The following CSMD1 variants were observed in gnomAD, a reference collection of about 807,000 sequenced individuals.
The protein encoded by CSMD1 is CUB and Sushi multiple domains 1, also known as CUB and sushi domain-containing protein 1.
A neutral mutation model predicts 417.5 loss-of-function variants in CSMD1; 213 were observed. The observed-to-expected ratio is 0.51, with a 90% CI of 0.46 to 0.57. The LOEUF is 0.57. CSMD1 is among the 20% of genes least tolerant of loss of function. The pLI is 0.00. For missense variants in CSMD1, 6,923 were observed against 4,529.7 expected (o/e 1.53, Z -15.17); for synonymous variants, 2,862 against 1,736.8 (o/e 1.65, Z -16.11).
intron 5 of CSMD1, among the ~76,000 whole-genome samples, chr8:3,817,880 G>C (rs996604064): frequency 3.9e-5 from 6 of 152,076 alleles, no homozygotes; most frequent in African/African-American, 1.2e-4. Context: ...TCACACTAAG[G>C]ACATTCTTGC....
At chr8:3,612,011 C>T (rs188820777) in intron 8 of CSMD1, among the ~76,000 whole-genome samples, 2 of 152,168 alleles carry the variant, frequency 1.3e-5, no homozygotes, top group Non-Finnish European at 2.9e-5. Flanking sequence ...TTTTAAAATA[C>T]TAATTTCCTT....
At chr8:4,531,313 G>A (rs926137742) in intron 2 of CSMD1, among the ~76,000 whole-genome samples, 7 of 152,162 alleles carry the variant, frequency 4.6e-5, no homozygotes, top group South Asian at 2.1e-4. Flanking sequence ...GCCGTGGAAT[G>A]TATTCAGGTC....
intron 2 of CSMD1, among the ~76,000 whole-genome samples, chr8:4,480,493 G>T (rs975749713): frequency 2.6e-5 from 4 of 152,182 alleles, no homozygotes; most frequent in Non-Finnish European, 5.9e-5. Flanking sequence ...AGTTGTATTA[G>T]ACAACCAGAT....
At chr8:3,467,544 TG>T (rs1301046400) in intron 12 of CSMD1, among the ~76,000 whole-genome samples, 7 of 152,362 alleles carry the variant, frequency 4.6e-5, no homozygotes, top group Non-Finnish European at 7.3e-5. Context: ...ATACATTTTT[TG>T]TCGTAGTATT....
At chr8:3,248,311 T>C (rs977521056) in intron 26 of CSMD1, among the ~76,000 whole-genome samples, 9 of 58,670 alleles carry the variant, frequency 1.5e-4, no homozygotes, top group Admixed American at 1.5e-3. Context: ...TTGCACCTGT[T>C]GTCTCAGATA....
intron 7 of CSMD1, among the ~76,000 whole-genome samples, chr8:3,628,823 C>T (rs953216894): frequency 5.3e-5 from 8 of 152,106 alleles, no homozygotes; most frequent in East Asian, 1.9e-4. Context: ...CAAGAACTCT[C>T]ATCTCTCTCT....
At chr8:3,575,705 G>A (rs1482820580) in intron 9 of CSMD1, among the ~76,000 whole-genome samples, 1 of 126,298 alleles carries the variant, frequency 7.9e-6, no homozygotes, top group Non-Finnish European at 1.7e-5. Flanking sequence ...AAGAAAATAG[G>A]AATGGTGACT....
intron 26 of CSMD1, among the ~76,000 whole-genome samples, chr8:3,236,826 T>C (rs1458158896): frequency 3.3e-5 from 5 of 152,200 alleles, no homozygotes; most frequent in Admixed American, 3.3e-4. Flanking sequence ...GTTGCATCCA[T>C]CTTATCCCTC....
chr8:3,109,056 G>A (rs942695994), intron 43 of CSMD1, among the ~76,000 whole-genome samples: 3 of 152,146 alleles, frequency 2.0e-5, no homozygotes, highest in African/African-American at 7.2e-5. Flanking sequence ...CCTGAGGTCA[G>A]GAGTTTGAGA....
chr8:3,374,354 T>G (rs1419702042), intron 18 of CSMD1, among the ~76,000 whole-genome samples: 3 of 152,168 alleles, frequency 2.0e-5, no homozygotes, highest in Non-Finnish European at 4.4e-5. Context: ...AGAAACATAC[T>G]AATGTTTTCC....
intron 1 of CSMD1, among the ~76,000 whole-genome samples, chr8:4,855,151 C>T (rs1270734433): frequency 6.6e-6 from 1 of 151,162 alleles, no homozygotes; most frequent in Non-Finnish European, 1.5e-5. Context: ...CCAGCAGGGG[C>T]ACACTGACAC....
chr8:3,962,012 T>G (rs748082719), intron 5 of CSMD1, among the ~76,000 whole-genome samples: 5 of 152,170 alleles, frequency 3.3e-5, no homozygotes, highest in Non-Finnish European at 7.4e-5. Flanking sequence ...CATGCGTGCT[T>G]GTGTCATCTT....
intron 5 of CSMD1, among the ~76,000 whole-genome samples, chr8:3,835,715 A>G (rs1463987029): frequency 4.3e-5 from 3 of 69,888 alleles, no homozygotes; most frequent in Non-Finnish European, 8.6e-5. Flanking sequence ...GTATAATAAA[A>G]TTAACAAAAA....
chr8:4,631,025 C>G (rs7832272), intron 2 of CSMD1, among the ~76,000 whole-genome samples: 151,195 of 152,276 alleles, frequency 0.99, 75,062 homozygotes, highest in East Asian at 1. Context: ...GCTTCACCCT[C>G]TGATTATCAA....
At chr8:4,638,087 T>A (rs1802950719) in intron 1 of CSMD1, among the ~76,000 whole-genome samples, 1 of 152,240 alleles carries the variant, frequency 6.6e-6, no homozygotes, top group African/African-American at 2.4e-5. Flanking sequence ...TGCAACATTT[T>A]GTAACTAATA....
chr8:4,415,909 G>A (rs1255619372), intron 3 of CSMD1, among the ~76,000 whole-genome samples: 1 of 152,198 alleles, frequency 6.6e-6, no homozygotes. Flanking sequence ...TTCTGTAGAT[G>A]TACAGACATG....
intron 1 of CSMD1, among the ~76,000 whole-genome samples, chr8:4,647,080 G>C (rs553316640): frequency 2.0e-5 from 3 of 152,240 alleles, no homozygotes; most frequent in South Asian, 4.1e-4. Context: ...TTCTTAAGGG[G>C]TGTTTTATAA....
At chr8:4,054,093 A>C (rs528083613) in intron 3 of CSMD1, among the ~76,000 whole-genome samples, 1 of 152,248 alleles carries the variant, frequency 6.6e-6, no homozygotes, top group East Asian at 1.9e-4. Flanking sequence ...AGTTCACTAC[A>C]CCAGCTGCTA....
chr8:3,566,328 C>T (rs1274525360), intron 10 of CSMD1, among the ~76,000 whole-genome samples: 2 of 152,052 alleles, frequency 1.3e-5, no homozygotes, highest in South Asian at 2.1e-4. Context: ...TGCTTTAAAT[C>T]GATTACATAT....
Sources: allele counts gnomAD v4.1 joint callset (sites outside exome capture counted in the v4.1 genomes callset), GRCh38; gene constraint gnomAD v4.1.1; transcripts MANE v1.5; gene names NCBI Gene and HGNC (gene_info 2026-07-23, HGNC 2026-07-21).